Variants in PPP4R3A observed in about 807,000 individuals in gnomAD.
PPP4R3A encodes serine/threonine-protein phosphatase 4 regulatory subunit 3A.
In PPP4R3A, 15 loss-of-function variants were observed where a neutral mutation model predicts 91.7. The observed-to-expected ratio is 0.16, with a 90% CI of 0.11 to 0.25. The LOEUF (loss-of-function observed/expected upper bound fraction) is 0.25. Ranked by LOEUF, PPP4R3A falls within the 10% of genes least tolerant of loss-of-function variation. The pLI, the probability that PPP4R3A is intolerant of heterozygous loss-of-function variation, is 1.00. For missense variants in PPP4R3A, 623 were observed against 998.4 expected (o/e 0.62, Z 5.07); for synonymous variants, 377 against 348.7 (o/e 1.08, Z -0.91).
chr14:91,489,868 T>C (rs1311184350), intron 2 of PPP4R3A, among the ~76,000 whole-genome samples: 1 of 152,242 alleles, frequency 6.6e-6, no homozygotes, highest in South Asian at 2.1e-4. Context: ...TATTTAGGAG[T>C]TGACACCAGC....
At chr14:91,501,871 ATTTTTT>A (rs755484959) in intron 1 of PPP4R3A, among the ~76,000 whole-genome samples, 45 of 100,230 alleles carry the variant, frequency 4.5e-4, no homozygotes, top group South Asian at 1.1e-3. Context: ...AGCCCGGCTA[ATTTTTT>A]TTTTTTTTTT....
intron 3 of PPP4R3A, among the ~76,000 whole-genome samples, chr14:91,483,352 A>G (rs1889687347): frequency 6.6e-6 from 1 of 152,234 alleles, no homozygotes; most frequent in South Asian, 2.1e-4. Context: ...TTTTCTTGAA[A>G]TGTGCTGCAA....
In PPP4R3A at chr14:91,476,353, TATTA is replaced by T. The variant is rs777517767; in HGVS notation, c.1110+51_1110+54del. Reference sequence around the variant, plus strand: ...GAATATTTGCATGTAGCATTAAAAATATTAATTTTGGGATTAAAAAATGGTAATT... The same window carrying T: ...GAATATTTGCATGTAGCATTAAAAATATTTTGGGATTAAAAAATGGTAATT... On this transcript the variant is annotated intron_variant, in intron 6 of 14. Transcript: ENST00000554943. 143 of 1,218,990 alleles carry T rather than the reference TATTA, an allele frequency of 1.2e-4. 1 individual carries two copies. In the East Asian group the frequency reaches 1.6e-3, roughly 14 times the overall value. 75.5% of individuals were successfully genotyped at this position (1,218,990 alleles called of 1,614,324 possible).
intron 7 of PPP4R3A, 66 bp downstream of exon 7, chr14:91,475,745 T>G: frequency 7.1e-7 from 1 of 1,398,842 alleles, no homozygotes; most frequent in South Asian, 1.3e-5. Context: ...ATCTTAAAAG[T>G]GAATAATAAA....
intron 4 of PPP4R3A, among the ~76,000 whole-genome samples, chr14:91,478,511 A>G (rs945406485): frequency 2.0e-5 from 3 of 152,266 alleles, no homozygotes; most frequent in Non-Finnish European, 4.4e-5. Flanking sequence ...AGAAGTGTCC[A>G]GCATCAAGAG....
intron 3 of PPP4R3A, 107 bp from the exon 4 acceptor site, chr14:91,482,300 T>C: frequency 8.4e-7 from 1 of 1,193,236 alleles, no homozygotes; most frequent in East Asian, 2.7e-5. Flanking sequence ...CCTATAATGG[T>C]CATTTTCAAG....
chr14:91,493,168 C>T (rs1041313907), intron 1 of PPP4R3A, among the ~76,000 whole-genome samples: 2 of 151,920 alleles, frequency 1.3e-5, no homozygotes, highest in African/African-American at 4.8e-5. Context: ...GTGGGCAGAT[C>T]GCTTGAGGTC....
chr14:91,479,078 A>G (rs554403027), intron 4 of PPP4R3A, among the ~76,000 whole-genome samples: 1 of 152,068 alleles, frequency 6.6e-6, no homozygotes, highest in East Asian at 1.9e-4. Context: ...TGCCTCCTGG[A>G]TTCAAGCGAT....
intron 1 of PPP4R3A, among the ~76,000 whole-genome samples, chr14:91,499,086 T>G (rs1890776640): frequency 1.3e-5 from 2 of 151,692 alleles, no homozygotes; most frequent in African/African-American, 4.8e-5. Context: ...CACGCCCAGC[T>G]GAGACCTCTA....
At chr14:91,504,733 CT>C (rs1391469457) in intron 1 of PPP4R3A, among the ~76,000 whole-genome samples, 2 of 152,178 alleles carry the variant, frequency 1.3e-5, no homozygotes, top group Non-Finnish European at 2.9e-5. Flanking sequence ...CCCTTTTCCT[CT>C]AAAGCAAGGT....
intron 1 of PPP4R3A, among the ~76,000 whole-genome samples, chr14:91,491,249 A>G (rs1890218571): frequency 6.6e-6 from 1 of 151,800 alleles, no homozygotes; most frequent in Non-Finnish European, 1.5e-5. Context: ...TTGTAGAGAT[A>G]GAGTCTCGCT....
intron 2 of PPP4R3A, among the ~76,000 whole-genome samples, chr14:91,490,194 C>T (rs1386979585): frequency 6.6e-6 from 1 of 152,152 alleles, no homozygotes; most frequent in African/African-American, 2.4e-5. Flanking sequence ...CTAGTTGATA[C>T]TAAGTGAAAG....
Position 91,458,775 on chromosome 14 carries a change from GCTTT to G in PPP4R3A, c.2482_2485del (p.Lys828GlnfsTer41). ...TTGCCATTATTATGAATCAAATTTT[GCTTT>G]CTTTGACAATGGTAACGTATCTTCC... On this transcript the variant is annotated frameshift_variant, in exon 15 of 15. Coordinates refer to ENST00000554943, the MANE Select transcript of PPP4R3A (RefSeq NM_001366432.2). LOFTEE classifies it high-confidence loss of function. 1 of 1,613,996 alleles carries G rather than the reference GCTTT, an allele frequency of 6.2e-7. No individual in the cohort carries two copies.
chr14:91,503,218 C>A (rs1206569190), intron 1 of PPP4R3A, among the ~76,000 whole-genome samples: 1 of 152,096 alleles, frequency 6.6e-6, no homozygotes, highest in African/African-American at 2.4e-5. Context: ...GAACTTCTGG[C>A]CTTGAGCAAT....
intron 1 of PPP4R3A, among the ~76,000 whole-genome samples, chr14:91,507,312 A>C (rs973596346): frequency 1.4e-5 from 2 of 146,564 alleles, no homozygotes; most frequent in South Asian, 4.2e-4. Flanking sequence ...CAAGAGCAAA[A>C]CCCAATCTCA....
At chr14:91,478,484 A>AC (rs1889343647) in intron 4 of PPP4R3A, among the ~76,000 whole-genome samples, 1 of 152,278 alleles carries the variant, frequency 6.6e-6, no homozygotes, top group Admixed American at 6.5e-5. Context: ...TACAGCCTTC[A>AC]CAGCAGCACT....
At chr14:91,484,206 A>G (rs1889742961) in intron 3 of PPP4R3A, among the ~76,000 whole-genome samples, 2 of 152,252 alleles carry the variant, frequency 1.3e-5, no homozygotes, top group Admixed American at 6.5e-5. Flanking sequence ...AGAGAAGGAA[A>G]GGGACAGCTT....
chr14:91,459,054 A>T (rs1010242271), intron 14 of PPP4R3A, among the ~76,000 whole-genome samples, 185 bp from the exon 15 acceptor site: 3 of 152,196 alleles, frequency 2.0e-5, no homozygotes, highest in African/African-American at 7.2e-5. Flanking sequence ...TGTAATAAAC[A>T]TGCATACTTT....
chr14:91,475,109 C>T (rs1027249678), intron 7 of PPP4R3A: 24 of 151,380 alleles, frequency 1.6e-4, no homozygotes, highest in Admixed American at 1.3e-4. Flanking sequence ...TTAAGAAGGA[C>T]CTGAGAGCAG....
Sources: allele counts gnomAD v4.1 joint callset (sites outside exome capture counted in the v4.1 genomes callset), GRCh38; gene constraint gnomAD v4.1.1; transcripts MANE v1.5; gene names NCBI Gene and HGNC (gene_info 2026-07-23, HGNC 2026-07-21).